Variants in KIRREL3 observed in about 807,000 individuals in gnomAD.
KIRREL3 encodes the protein kin of IRRE-like protein 3.
KIRREL3 carries 36 observed loss-of-function variants against 89.7 expected under a neutral mutation model. The observed-to-expected ratio is 0.40, with a 90% CI of 0.31 to 0.53. KIRREL3 has a LOEUF of 0.53. Ranked by LOEUF, KIRREL3 falls within the 20% of genes least tolerant of loss-of-function variation. KIRREL3 has a pLI of 0.49. For synonymous variants in KIRREL3, 445 were observed against 441.4 expected (o/e 1.01, Z -0.10); for missense variants, 864 against 1,056.6 (o/e 0.82, Z 2.53).
At position 126,429,426 on chromosome 11, in the gene KIRREL3, G is replaced by GC. The variant is rs973459158; in HGVS notation, c.1697-139dup. 7.6e-6 allele frequency: 5 copies of GC among 655,428 alleles called. No homozygotes were observed. The highest frequency in any genetic ancestry group is 1.1e-5 in the Non-Finnish European group (4 of 359,994). 40.6% of individuals were successfully genotyped at this position (655,428 alleles called of 1,614,324 possible). A position where few individuals can be genotyped will look rare whatever the true frequency, so the allele number is the denominator to read the frequency against. On this transcript the variant is annotated intron_variant, in intron 14 of 16. Transcript: ENST00000525144. This position sits in a 1 kb window ranked among gnomAD's most constrained non-coding sequence, Gnocchi z 5.2. ...GCCCCTGAACTCAGCAGCTTCACCA[G>GC]CCCCCCACCAATAGAACCTCCATAT...
In KIRREL3 at chr11:126,742,261, T is replaced by G. The variant is rs1420558522; in HGVS notation, c.56-179349A>C. On this transcript the variant is annotated intron_variant, in intron 1 of 16. Coordinates refer to ENST00000525144, the MANE Select transcript of KIRREL3 (RefSeq NM_032531.4). This position sits in a 1 kb window ranked among gnomAD's most constrained non-coding sequence, Gnocchi z 5.3. Reference sequence around the variant, plus strand: ...ACATATGGATGGCATTTCTTGAGGATTTCCCAGAGAGTCTTGCTGTCTGTC... The same window carrying G: ...ACATATGGATGGCATTTCTTGAGGAGTTCCCAGAGAGTCTTGCTGTCTGTC... Among the ~76,000 whole-genome samples, 1 of 152,184 alleles carries G rather than the reference T, an allele frequency of 6.6e-6. No homozygotes were observed. The highest frequency in any genetic ancestry group is 2.4e-5 in the African/African-American group (1 of 41,440).
At position 126,569,949 on chromosome 11, in the gene KIRREL3, T is replaced by A. The variant is rs1324543741; in HGVS notation, c.56-7037A>T. 6.6e-6 allele frequency among the ~76,000 whole-genome samples: 1 copy of A among 152,132 alleles called. No individual in the cohort carries two copies. Among genetic ancestry groups the A allele is most frequent in the Non-Finnish European group, 1.5e-5 (1 of 68,024 alleles). ...CTGCTAAACTGCTTTCTGCATCGGT[T>A]CTGCCTACTCCTATTTTCAGCATAA... On this transcript the variant is annotated intron_variant, in intron 1 of 16. Transcript: ENST00000525144. This position sits in a 1 kb window ranked among gnomAD's most constrained non-coding sequence, Gnocchi z 6.5.
rs1948690457 is a variant in KIRREL3 at position 126,948,682 on chromosome 11, C to T, written c.55+51773G>A. On this transcript the variant is annotated intron_variant, in intron 1 of 16. Transcript: ENST00000525144. The surrounding 1 kb of genome is among the most constrained non-coding windows in gnomAD (Gnocchi z 4.5). ...AAAATCTGGCTAGGATTTCCACCTCCTCAGGGAGTCTGCCTTGACTGGATG... is the reference window on the plus strand; with the variant it reads ...AAAATCTGGCTAGGATTTCCACCTCTTCAGGGAGTCTGCCTTGACTGGATG... 6.6e-6 allele frequency among the ~76,000 whole-genome samples: 1 copy of T among 152,216 alleles called. No homozygotes were observed. Among genetic ancestry groups the T allele is most frequent in the Non-Finnish European group, 1.5e-5 (1 of 68,034 alleles).
Position 126,515,112 on chromosome 11 carries a change from C to T in KIRREL3, c.433+6203G>A, listed in dbSNP as rs894347962. On this transcript the variant is annotated intron_variant, in intron 4 of 16. Transcript: ENST00000525144. This position sits in a 1 kb window ranked among gnomAD's most constrained non-coding sequence, Gnocchi z 4.2. ...AACAGTTACTCTCAACATAGCGTGT[C>T]GAGACCTGTAATCAAGGTGCATAAG... Among the ~76,000 whole-genome samples, 5 of 152,092 alleles carry T rather than the reference C, an allele frequency of 3.3e-5. No homozygotes were observed. The highest frequency in any genetic ancestry group is 7.2e-5 in the African/African-American group (3 of 41,410).
chr11:126,928,525 C>T (rs1457917890), intron 1 of KIRREL3, among the ~76,000 whole-genome samples: 4 of 152,050 alleles, frequency 2.6e-5, no homozygotes, highest in South Asian at 4.2e-4. Context: ...GCCCTGCAGG[C>T]GGACACTGTC....
intron 4 of KIRREL3, among the ~76,000 whole-genome samples, chr11:126,517,852 C>T (rs1300686007): frequency 6.6e-6 from 1 of 152,220 alleles, no homozygotes; most frequent in East Asian, 1.9e-4. Context: ...CACTGTCACA[C>T]AGCTGGACAC....
At position 126,876,475 on chromosome 11, in the gene KIRREL3, C is replaced by A. The variant is rs973701441; in HGVS notation, c.55+123980G>T. Among the ~76,000 whole-genome samples, 3 of 152,106 alleles carry A rather than the reference C, an allele frequency of 2.0e-5. No homozygotes were observed. Among genetic ancestry groups the A allele is most frequent in the Admixed American group, 2.0e-4 (3 of 15,294 alleles). On this transcript the variant is annotated intron_variant, in intron 1 of 16. Coordinates refer to ENST00000525144, the MANE Select transcript of KIRREL3 (RefSeq NM_032531.4). The surrounding 1 kb of genome is among the most constrained non-coding windows in gnomAD (Gnocchi z 4.1). ...GTGGGGACACACTGTGCTATCCCTG[C>A]TCACTGTTGCACCTGATACACCTAT...
At position 126,440,796 on chromosome 11, in the gene KIRREL3, T is replaced by A. The variant is rs551651603; in HGVS notation, c.1253-247A>T. ...AACCCCCAGAAGATACAAATAACTG[T>A]AATAAAAGGTGGTGAGTGTTAGTAC... On this transcript the variant is annotated intron_variant, in intron 10 of 16. Coordinates refer to ENST00000525144, the MANE Select transcript of KIRREL3 (RefSeq NM_032531.4). 299 of 575,486 alleles carry A rather than the reference T, an allele frequency of 5.2e-4. 2 individuals are homozygous for A. The highest frequency in any genetic ancestry group is 5.0e-3 in the African/African-American group (269 of 53,432). 35.6% of individuals were successfully genotyped at this position (575,486 alleles called of 1,614,324 possible). A position where few individuals can be genotyped will look rare whatever the true frequency, so the allele number is the denominator to read the frequency against.
In KIRREL3 at chr11:126,954,103, A is replaced by G. The variant is rs1358288709; in HGVS notation, c.55+46352T>C. Reference sequence around the variant, plus strand: ...CAGGGTCGGTCTGTGAGCGCCTCTAATACCCTATGTGGTTTCTTGAGATTT... The same window carrying G: ...CAGGGTCGGTCTGTGAGCGCCTCTAGTACCCTATGTGGTTTCTTGAGATTT... On this transcript the variant is annotated intron_variant, in intron 1 of 16. Coordinates refer to ENST00000525144, the MANE Select transcript of KIRREL3 (RefSeq NM_032531.4). The surrounding 1 kb of genome is among the most constrained non-coding windows in gnomAD (Gnocchi z 4.1). 6.6e-6 allele frequency among the ~76,000 whole-genome samples: 1 copy of G among 151,938 alleles called. No individual in the cohort carries two copies. Among genetic ancestry groups the G allele is most frequent in the East Asian group, 1.9e-4 (1 of 5,160 alleles).
intron 1 of KIRREL3, among the ~76,000 whole-genome samples, chr11:126,874,229 C>G (rs181727587): frequency 7.2e-5 from 11 of 152,306 alleles, no homozygotes; most frequent in Admixed American, 1.3e-4. Context: ...CTAAACTTCC[C>G]CAGCCTTGGT....
intron 1 of KIRREL3, among the ~76,000 whole-genome samples, chr11:126,746,715 A>G (rs1949164036): frequency 6.6e-6 from 1 of 152,184 alleles, no homozygotes; most frequent in Non-Finnish European, 1.5e-5. Context: ...CTCTTTCTAC[A>G]TGACCACGAG....
rs1941444108 is a variant in KIRREL3, at chr11:126,579,777, C to A, written c.56-16865G>T. Among the ~76,000 whole-genome samples, 1 of 152,084 alleles carries A rather than the reference C, an allele frequency of 6.6e-6. No homozygotes were observed. The highest frequency in any genetic ancestry group is 2.4e-5 in the African/African-American group (1 of 41,410). ...TCTCATGACCCCCTGCCTCTCTCCA[C>A]CTCTGCGTGATGTTTTTCTGTTCGC... On this transcript the variant is annotated intron_variant, in intron 1 of 16. Transcript: ENST00000525144. This position sits in a 1 kb window ranked among gnomAD's most constrained non-coding sequence, Gnocchi z 5.3.
At position 126,664,477 on chromosome 11, in the gene KIRREL3, G is replaced by A. The variant is rs568745064; in HGVS notation, c.56-101565C>T. 2.1e-4 allele frequency among the ~76,000 whole-genome samples: 32 copies of A among 152,276 alleles called. No homozygotes were observed. The highest frequency in any genetic ancestry group is 8.8e-5 in the Non-Finnish European group (6 of 68,024). ...TGCCTACTCTAAATGAAACAGCTCT[G>A]TCATACTGGGCTAGAGCAATCTCAG... On this transcript the variant is annotated intron_variant, in intron 1 of 16. Coordinates refer to ENST00000525144, the MANE Select transcript of KIRREL3 (RefSeq NM_032531.4). This position sits in a 1 kb window ranked among gnomAD's most constrained non-coding sequence, Gnocchi z 5.4.
Position 126,455,903 on chromosome 11 carries a change from C to A in KIRREL3, c.848+446G>T, listed in dbSNP as rs1180501331. ...CACAGGGGCCATGAGTAAGTGTGATCCCGGATGCTCACTGGACTGGGCCGG... is the reference window on the plus strand; with the variant it reads ...CACAGGGGCCATGAGTAAGTGTGATACCGGATGCTCACTGGACTGGGCCGG... On this transcript the variant is annotated intron_variant, in intron 7 of 16. Coordinates refer to ENST00000525144, the MANE Select transcript of KIRREL3 (RefSeq NM_032531.4). The surrounding 1 kb of genome is among the most constrained non-coding windows in gnomAD (Gnocchi z 6.4). Among the ~76,000 whole-genome samples the A allele has an allele frequency of 1.3e-5, 2 of 152,026 alleles. No homozygotes were observed. Among genetic ancestry groups the A allele is most frequent in the Non-Finnish European group, 2.9e-5 (2 of 67,996 alleles).
At chr11:126,695,832 G>A (rs370874838) in intron 1 of KIRREL3, among the ~76,000 whole-genome samples, 1 of 152,200 alleles carries the variant, frequency 6.6e-6, no homozygotes, top group Non-Finnish European at 1.5e-5. Context: ...GATGGCCAGC[G>A]TAGAGCCACA....
chr11:126,478,700 T>C (rs947232407), intron 4 of KIRREL3, among the ~76,000 whole-genome samples: 2 of 152,144 alleles, frequency 1.3e-5, no homozygotes, highest in African/African-American at 4.8e-5. Flanking sequence ...TAGATGTACA[T>C]GTGTGTATAC....
intron 3 of KIRREL3, among the ~76,000 whole-genome samples, chr11:126,524,991 G>A (rs1443972566): frequency 3.3e-5 from 5 of 152,170 alleles, no homozygotes; most frequent in East Asian, 1.9e-4. Flanking sequence ...GAGGCAAACC[G>A]AGTCAAGCTG....
chr11:126,567,061 C>A (rs984723155), intron 1 of KIRREL3, among the ~76,000 whole-genome samples: 2 of 152,184 alleles, frequency 1.3e-5, no homozygotes, highest in African/African-American at 4.8e-5. Context: ...GAGACTAGAG[C>A]ACAGATCAGC....
At position 126,432,655 on chromosome 11, in the gene KIRREL3, C is replaced by T. The variant is rs1290004394; in HGVS notation, c.1589-1129G>A. The stretch of plus-strand genomic sequence containing the variant: ...CCCCCACATCTCATGTGCTCGGTAC[C>T]GCCCAGACTGCTGCTGCTCCGAGTC... On this transcript the variant is annotated intron_variant, in intron 13 of 16. Coordinates refer to ENST00000525144, the MANE Select transcript of KIRREL3 (RefSeq NM_032531.4). The surrounding 1 kb of genome is among the most constrained non-coding windows in gnomAD (Gnocchi z 6.2). 3.3e-5 allele frequency among the ~76,000 whole-genome samples: 5 copies of T among 152,180 alleles called. No individual in the cohort carries two copies. Among genetic ancestry groups the T allele is most frequent in the East Asian group, 3.9e-4 (2 of 5,172 alleles).
Sources: gnomAD v4.1 joint callset for allele counts (sites outside exome capture counted in the v4.1 genomes callset) on GRCh38, gnomAD v4.1.1 for gene constraint, Gnocchi (gnomAD v3.1) non-coding constraint, MANE v1.5 for transcripts, NCBI Gene and HGNC (gene_info 2026-07-23, HGNC 2026-07-21) for gene names.